The following MBNL1 variants were observed in gnomAD, a reference collection of about 807,000 sequenced individuals.
MBNL1 encodes the protein muscleblind like splicing regulator 1, also known as muscleblind-like protein 1.
In MBNL1, 8 loss-of-function variants were observed where a neutral mutation model predicts 42.2. The observed-to-expected ratio is 0.19, with a 90% CI of 0.11 to 0.34. The LOEUF (loss-of-function observed/expected upper bound fraction) is 0.34. Among genes scored for constraint, MBNL1 ranks in the 10% least tolerant of loss-of-function variants. The probability of loss-of-function intolerance (pLI) is 1.00; values close to 1 mark genes in which losing one functional copy is unlikely to be tolerated. For missense variants in MBNL1, 309 were observed against 495.3 expected, an observed-to-expected ratio of 0.62 and a Z score of 3.57; for synonymous variants, 169 against 173.9, an observed-to-expected ratio of 0.97 and a Z score of 0.22.
chr3:152,380,374 C>CA (rs2097129728), intron 2 of MBNL1, among the ~76,000 whole-genome samples: 1 of 151,956 alleles, frequency 6.6e-6, no homozygotes, highest in Admixed American at 6.6e-5. Context: ...TATCTAAACT[C>CA]AAAGTTTATG....
intron 2 of MBNL1, among the ~76,000 whole-genome samples, chr3:152,342,228 C>A (rs983883999): frequency 3.9e-5 from 6 of 152,042 alleles, no homozygotes; most frequent in Admixed American, 2.0e-4. Context: ...CTTTTCATAG[C>A]CTGGTACCAG....
intron 2 of MBNL1, among the ~76,000 whole-genome samples, chr3:152,410,028 A>C (rs941796300): frequency 6.6e-6 from 1 of 151,994 alleles, no homozygotes; most frequent in Non-Finnish European, 1.5e-5. Flanking sequence ...CTCTAGTTTC[A>C]TTTAGTTTTA....
chr3:152,249,844 C>T (rs2149386469), intron 2 of MBNL1, among the ~76,000 whole-genome samples: 1 of 147,956 alleles, frequency 6.8e-6, no homozygotes, highest in Non-Finnish European at 1.5e-5. Flanking sequence ...TATGGCTAGC[C>T]AGTTTTCCTA....
intron 2 of MBNL1, among the ~76,000 whole-genome samples, chr3:152,384,937 G>C (rs2097345179): frequency 6.6e-6 from 1 of 151,990 alleles, no homozygotes; most frequent in Non-Finnish European, 1.5e-5. Context: ...TTCCCGTAAA[G>C]CTTATTCAGA....
intron 2 of MBNL1, chr3:152,337,928 C>T: frequency 1.1e-5 from 2 of 186,964 alleles, no homozygotes; most frequent in Non-Finnish European, 2.0e-5. Flanking sequence ...TCCGTTTTCT[C>T]ATCTAATTCC....
At chr3:152,310,745 C>A (rs2065886473) in intron 2 of MBNL1, among the ~76,000 whole-genome samples, 1 of 151,692 alleles carries the variant, frequency 6.6e-6, no homozygotes, top group Admixed American at 6.6e-5. Flanking sequence ...AGAGTCTGAA[C>A]CTAAAGTCCA....
intron 1 of MBNL1, among the ~76,000 whole-genome samples, chr3:152,297,378 C>CT (rs1178940654): frequency 7.2e-6 from 1 of 139,116 alleles, no homozygotes; most frequent in East Asian, 2.2e-4. Flanking sequence ...GAGTCTCACA[C>CT]TGTCTTCCGG....
At chr3:152,342,553 A>AACACACAC (rs111644138) in intron 2 of MBNL1, among the ~76,000 whole-genome samples, 34,447 of 145,770 alleles carry the variant, frequency 0.24, 4,020 homozygotes, top group East Asian at 0.3. Flanking sequence ...AACTAAACAA[A>AACACACAC]ACACACACAC....
chr3:152,266,975 TC>T (rs1170979396), upstream of MBNL1: 1 of 152,236 alleles, frequency 6.6e-6, no homozygotes, highest in African/African-American at 2.4e-5. Context: ...ACTCGTTAGA[TC>T]AACACAGACC....
chr3:152,332,741 C>CAT (rs1560182151), intron 2 of MBNL1, among the ~76,000 whole-genome samples: 1 of 80,128 alleles, frequency 1.2e-5, no homozygotes, highest in Non-Finnish European at 2.6e-5. Flanking sequence ...TGTGTGTGTG[C>CAT]GCGCGCGCAT....
At chr3:152,413,109 A>G (rs1431046205) in intron 2 of MBNL1, among the ~76,000 whole-genome samples, 1 of 152,142 alleles carries the variant, frequency 6.6e-6, no homozygotes. Flanking sequence ...TTGCGAGTCT[A>G]AGGTTGTTTT....
At position 152,458,195 on chromosome 3, in the gene MBNL1, T is replaced by A. The variant is rs758782100; in HGVS notation, c.1093-1076T>A. 64 of 1,613,492 alleles carry A rather than the reference T, an allele frequency of 4.0e-5. No individual in the cohort carries two copies. The highest frequency in any genetic ancestry group is 5.1e-5 in the Non-Finnish European group (60 of 1,179,654). On this transcript the variant is annotated intron_variant, in intron 8 of 9. Transcript: ENST00000324210. ...TGTCCTGCAGCAGCAGGAAAAATGG[T>A]ATGAGAAGCTTCATTATGCTTGGAG...
chr3:152,434,155 A>G (rs535600936), intron 4 of MBNL1, among the ~76,000 whole-genome samples: 2 of 152,204 alleles, frequency 1.3e-5, no homozygotes, highest in African/African-American at 2.4e-5. Flanking sequence ...CACCCAGATA[A>G]TAAGCGCAAT....
chr3:152,424,135 G>A (rs1180016704), intron 3 of MBNL1, among the ~76,000 whole-genome samples: 2 of 152,154 alleles, frequency 1.3e-5, no homozygotes, highest in African/African-American at 4.8e-5. Flanking sequence ...AAGTCAAATT[G>A]TTTCTGTTTG....
intron 8 of MBNL1, among the ~76,000 whole-genome samples, chr3:152,456,577 A>G (rs925496132): frequency 6.6e-6 from 1 of 152,186 alleles, no homozygotes; most frequent in Non-Finnish European, 1.5e-5. Context: ...TATGCCATTT[A>G]TAAGTGCTCC....
intron 2 of MBNL1, among the ~76,000 whole-genome samples, chr3:152,328,697 C>T (rs940604398): frequency 6.6e-6 from 1 of 152,264 alleles, no homozygotes; most frequent in East Asian, 1.9e-4. Context: ...GTTTGCTTTG[C>T]TGGAGTACCT....
chr3:152,316,237 G>A (rs1379669821), intron 2 of MBNL1, among the ~76,000 whole-genome samples: 1 of 152,162 alleles, frequency 6.6e-6, no homozygotes, highest in African/African-American at 2.4e-5. Context: ...AAAAATGCAC[G>A]TTAAACCTGC....
intron 1 of MBNL1, chr3:152,269,655 G>A (rs1337941754): frequency 5.1e-5 from 16 of 316,478 alleles, no homozygotes; most frequent in South Asian, 3.5e-4. Flanking sequence ...TTTCAGGCCA[G>A]TTTGCCTTTT....
At position 152,299,436 on chromosome 3, in the gene MBNL1, T is replaced by C. The variant is rs2059921670; in HGVS notation, c.-758T>C. On this transcript the variant is annotated 5_prime_UTR_variant, in exon 2 of 10. Transcript: ENST00000324210. ...ACTAAGAAGTGCCTTTCCTGACGTC[T>C]CTGCTGCTTGGAACCGCTTCTAGAG... 1 of 356,330 alleles carries C rather than the reference T, an allele frequency of 2.8e-6. No homozygotes were observed. The highest frequency in any genetic ancestry group is 4.7e-5 in the Admixed American group (1 of 21,360). 22.1% of individuals were successfully genotyped at this position (356,330 alleles called of 1,614,324 possible).
Sources: gnomAD v4.1 joint callset for allele counts (sites outside exome capture counted in the v4.1 genomes callset) on GRCh38, gnomAD v4.1.1 for gene constraint, MANE v1.5 for transcripts, NCBI Gene and HGNC (gene_info 2026-07-23, HGNC 2026-07-21) for gene names.